TCTN2: variants seen among roughly 807,000 people sequenced by gnomAD.
The protein encoded by TCTN2 is tectonic-2.
In TCTN2, 66 loss-of-function variants were observed where a neutral mutation model predicts 83.4. The ratio of observed to expected loss-of-function variants is 0.79; its 90% CI spans 0.65 to 0.97. The LOEUF is 0.97. Among genes scored for constraint, TCTN2 ranks in the 50% least tolerant of loss-of-function variants. TCTN2 has a pLI of 0.00. For synonymous variants in TCTN2, 301 were observed against 326.7 expected (o/e 0.92, Z 0.85); for missense variants, 794 against 858.1 (o/e 0.93, Z 0.93).
rs2135852365 is a variant in TCTN2 at position 123,699,303 on chromosome 12, T to C, written c.1506-401T>C. On this transcript the variant is annotated intron_variant, in intron 13 of 17. Transcript: ENST00000303372. ...CCAAGTAGTTGGAACTATAGGTGCA[T>C]ACCACCATGCCTGGCTAATTTTTGT... 2.6e-5 allele frequency among the ~76,000 whole-genome samples: 4 copies of C among 151,944 alleles called. No individual in the cohort carries two copies. In the Middle Eastern group the frequency reaches 0.01, roughly 388 times the overall value.
intron 17 of TCTN2, chr12:123,707,355 T>A (rs1483657308): frequency 4.9e-6 from 3 of 617,572 alleles, no homozygotes; most frequent in Non-Finnish European, 8.6e-6. Flanking sequence ...CAGACAACTC[T>A]CGTGCCTCAG....
At position 123,686,819 on chromosome 12, in the gene TCTN2, T is replaced by C; in HGVS notation, c.565-17T>C. On this transcript the variant is annotated splice_polypyrimidine_tract_variant and intron_variant, in intron 5 of 17. Coordinates refer to ENST00000303372, the MANE Select transcript of TCTN2 (RefSeq NM_024809.5). ...CTGACCACGGTCACAGCTCCTGCCTTTATGTTTGTCTTCCAGGAATGCTCA... is the reference window on the plus strand; with the variant it reads ...CTGACCACGGTCACAGCTCCTGCCTCTATGTTTGTCTTCCAGGAATGCTCA... The C allele has an allele frequency of 3.7e-6, 6 of 1,613,826 alleles. No homozygotes were observed. Among genetic ancestry groups the C allele is most frequent in the Non-Finnish European group, 5.1e-6 (6 of 1,179,696 alleles).
chr12:123,704,262 C>T (rs961134988), intron 14 of TCTN2, among the ~76,000 whole-genome samples: 25 of 152,134 alleles, frequency 1.6e-4, no homozygotes, highest in Admixed American at 1.4e-3. Context: ...GCCTCAGCCT[C>T]CCAAAGTGCT....
chr12:123,706,595 A>C (rs1956232295), intron 15 of TCTN2, 131 bp from the exon 16 acceptor site: 1 of 1,365,554 alleles, frequency 7.3e-7, no homozygotes, highest in Non-Finnish European at 1.0e-6. Context: ...CTGAGAAAAA[A>C]CAGCCCAGGT....
At position 123,697,072 on chromosome 12, in the gene TCTN2, CT is replaced by C; in HGVS notation, c.1394-10del. 1 of 1,600,092 alleles carries C rather than the reference CT, an allele frequency of 6.2e-7. No individual in the cohort carries two copies. Among genetic ancestry groups the C allele is most frequent in the Non-Finnish European group, 8.6e-7 (1 of 1,167,312 alleles). On this transcript the variant is annotated splice_polypyrimidine_tract_variant and intron_variant, in intron 12 of 17. Coordinates refer to ENST00000303372, the MANE Select transcript of TCTN2 (RefSeq NM_024809.5). The stretch of plus-strand genomic sequence containing the variant: ...TAGCAAAAAGTAGCAAGAGGATAAT[CT>C]TTTTCTTTTATAGCTGGAAGGGGTC...
intron 4 of TCTN2, among the ~76,000 whole-genome samples, chr12:123,674,595 TAAG>T (rs762716814): frequency 5.5e-4 from 84 of 152,110 alleles, no homozygotes; most frequent in Non-Finnish European, 1.1e-3. Context: ...GACTGCATCT[TAAG>T]AAGAAAAAAG....
chr12:123,695,144 A>G, intron 10 of TCTN2, 76 bp from the exon 11 acceptor site: 1 of 1,383,666 alleles, frequency 7.2e-7, no homozygotes, highest in South Asian at 1.2e-5. Context: ...TGCAATTTTA[A>G]GGTAAACACT....
intron 5 of TCTN2, among the ~76,000 whole-genome samples, chr12:123,683,786 G>A (rs1307857148): frequency 1.3e-5 from 2 of 152,056 alleles, no homozygotes; most frequent in Non-Finnish European, 2.9e-5. Flanking sequence ...TTACAGGCGC[G>A]TGCCACCATG....
Position 123,686,351 on chromosome 12 carries a change from G to A in TCTN2, c.565-485G>A, listed in dbSNP as rs115933591. Among the ~76,000 whole-genome samples the A allele has an allele frequency of 2.0e-3, 305 of 152,120 alleles. 1 individual carries two copies. The highest frequency in any genetic ancestry group is 6.7e-3 in the African/African-American group (278 of 41,464). ...CGTGAGCCCCTGCACCCAGCCCCAA[G>A]CAATTTCTTGATGACATTAATTGGG... On this transcript the variant is annotated intron_variant, in intron 5 of 17. Transcript: ENST00000303372.
At chr12:123,701,517 TC>T (rs1956172079) in intron 14 of TCTN2, among the ~76,000 whole-genome samples, 1 of 151,680 alleles carries the variant, frequency 6.6e-6, no homozygotes, top group South Asian at 2.1e-4. Context: ...GGCGGGTGGA[TC>T]ACGAGGTCAG....
In TCTN2 at chr12:123,688,729, A is replaced by G. The variant is rs991480019; in HGVS notation, c.891+552A>G. 5.9e-5 allele frequency among the ~76,000 whole-genome samples: 9 copies of G among 152,184 alleles called. No individual in the cohort carries two copies. In the South Asian group the frequency reaches 1.7e-3, roughly 28 times the overall value. ...ACAAAATAAAACCAAAAGATTTTCT[A>G]TAAGTTTCCATGGAAGTACCTATCA... On this transcript the variant is annotated intron_variant, in intron 7 of 17. Coordinates refer to ENST00000303372, the MANE Select transcript of TCTN2 (RefSeq NM_024809.5).
At chr12:123,696,551 T>TA in intron 12 of TCTN2, 56 bp downstream of exon 12, 1 of 1,455,468 alleles carries the variant, frequency 6.9e-7, no homozygotes, top group Non-Finnish European at 9.7e-7. Context: ...TTAGAAGTAT[T>TA]ACCATATTTT....
chr12:123,703,567 A>C lies in TCTN2; in HGVS notation c.1613-965A>C, dbSNP rs143768555. Among the ~76,000 whole-genome samples, 253 of 152,264 alleles carry C rather than the reference A, an allele frequency of 1.7e-3. 1 individual carries two copies. The highest frequency in any genetic ancestry group is 5.6e-3 in the African/African-American group (231 of 41,532). On this transcript the variant is annotated intron_variant, in intron 14 of 17. Coordinates refer to ENST00000303372, the MANE Select transcript of TCTN2 (RefSeq NM_024809.5). The stretch of plus-strand genomic sequence containing the variant: ...GTGCCATGCCATCACGGCTTACTGC[A>C]GCCTTGACTTCCCAGGCTGAAGCAA...
chr12:123,673,596 A>C lies in TCTN2; in HGVS notation c.268-19A>C. The C allele has an allele frequency of 6.2e-7, 1 of 1,613,782 alleles. No individual in the cohort carries two copies. The highest frequency in any genetic ancestry group is 8.5e-7 in the Non-Finnish European group (1 of 1,179,650). On this transcript the variant is annotated intron_variant, in intron 3 of 17. Transcript: ENST00000303372. Reference sequence around the variant, plus strand: ...CTGTTTTGAGTCACTTTAAAAATACAGCAATGTTTTCCTTTCAGAAGGTGT... The same window carrying C: ...CTGTTTTGAGTCACTTTAAAAATACCGCAATGTTTTCCTTTCAGAAGGTGT...
chr12:123,692,691 C>G lies in TCTN2; in HGVS notation c.1067C>G (p.Ala356Gly). Residue 356 changes from alanine to glycine, a missense_variant, in exon 9 of 18, where the codon GCA (alanine) becomes GGA (glycine). Transcript: ENST00000303372. ...IVTPKVIYEE[A>G]TDLDKFITNT... ...ACACCAAAAGTGATCTATGAGGAAG[C>G]AACTGACCTAGACAAATTCATCACC... 1 of 1,613,756 alleles carries G rather than the reference C, an allele frequency of 6.2e-7. No homozygotes were observed.
At chr12:123,680,471 G>T (rs1285832684) in intron 5 of TCTN2, among the ~76,000 whole-genome samples, 1 of 120,930 alleles carries the variant, frequency 8.3e-6, no homozygotes, top group Non-Finnish European at 1.8e-5. Flanking sequence ...TTTTCTTTTA[G>T]GCTTAGAGCA....
chr12:123,688,252 T>TA, intron 7 of TCTN2, 75 bp downstream of exon 7: 1 of 1,538,886 alleles, frequency 6.5e-7, no homozygotes, highest in South Asian at 1.1e-5. Context: ...GTCTCGCTCT[T>TA]ACCTCCTAGG....
intron 14 of TCTN2, among the ~76,000 whole-genome samples, chr12:123,700,963 A>G (rs1956166095): frequency 6.6e-6 from 1 of 152,208 alleles, no homozygotes; most frequent in African/African-American, 2.4e-5. Context: ...ATAAAACAAA[A>G]TAAAATAAAA....
rs58689399 is a variant in TCTN2, at chr12:123,688,213, C to CT, written c.891+54dup. The CT allele has an allele frequency of 0.041, 54,413 of 1,332,444 alleles. 139 individuals carry two copies. The highest frequency in any genetic ancestry group is 0.079 in the African/African-American group (5,022 of 63,646). The allele number at this position is 1,332,444 out of a possible 1,614,324, so 82.5% of individuals were successfully genotyped here. ...CAATATTAGTATGCTAGACCGTTCTCTTTTTTTTTTTTTTTTTTATGAGAC... is the reference window on the plus strand; with the variant it reads ...CAATATTAGTATGCTAGACCGTTCTCTTTTTTTTTTTTTTTTTTTATGAGAC... On this transcript the variant is annotated intron_variant, in intron 7 of 17. Coordinates refer to ENST00000303372, the MANE Select transcript of TCTN2 (RefSeq NM_024809.5).
Sources: allele counts gnomAD v4.1 joint callset (sites outside exome capture counted in the v4.1 genomes callset), GRCh38; gene constraint gnomAD v4.1.1; transcripts MANE v1.5; gene names NCBI Gene and HGNC (gene_info 2026-07-23, HGNC 2026-07-21).